The following SYT1 variants were observed in gnomAD, a reference collection of about 807,000 sequenced individuals.
The protein encoded by SYT1 is synaptotagmin-1.
A neutral mutation model predicts 44.8 loss-of-function variants in SYT1; 8 were observed. The observed-to-expected ratio is 0.18, with a 90% confidence interval of 0.10 to 0.32. The LOEUF is 0.32. Ranked by LOEUF, SYT1 falls within the 10% of genes least tolerant of loss-of-function variation. SYT1 has a pLI of 1.00. For synonymous variants in SYT1, 154 were observed against 188.8 expected (o/e 0.82, Z 1.51); for missense variants, 286 against 509.3 (o/e 0.56, Z 4.22).
At chr12:79,081,322 A>G (rs1460763274) in intron 3 of SYT1, among the ~76,000 whole-genome samples, 1 of 152,102 alleles carries the variant, frequency 6.6e-6, no homozygotes, top group African/African-American at 2.4e-5. Flanking sequence ...AGAAAAAAGC[A>G]AATTACTACA....
At chr12:79,074,291 C>T (rs907539020) in intron 3 of SYT1, among the ~76,000 whole-genome samples, 3 of 152,284 alleles carry the variant, frequency 2.0e-5, no homozygotes, top group African/African-American at 7.2e-5. Flanking sequence ...CTCATCTCCA[C>T]ACAGCTGTGG....
chr12:79,285,753 T>C, intron 4 of SYT1, 34 bp from the exon 5 acceptor site: 1 of 1,505,210 alleles, frequency 6.6e-7, no homozygotes, highest in Non-Finnish European at 9.0e-7. Flanking sequence ...ATCTAAGTGT[T>C]GTATGACTAG....
At chr12:79,324,758 G>GA (rs1406133424) in intron 8 of SYT1, among the ~76,000 whole-genome samples, 103 of 150,642 alleles carry the variant, frequency 6.8e-4, no homozygotes, top group African/African-American at 2.4e-3. Context: ...CACGTTGCTG[G>GA]AAAAAACCAT....
intron 9 of SYT1, among the ~76,000 whole-genome samples, chr12:79,397,143 G>A (rs530359723): frequency 1.3e-5 from 2 of 152,318 alleles, no homozygotes; most frequent in African/African-American, 4.8e-5. Context: ...TCAGAGGCAG[G>A]CAGGAACCAG....
At chr12:79,054,524 C>A (rs1874783999) in intron 3 of SYT1, among the ~76,000 whole-genome samples, 1 of 151,892 alleles carries the variant, frequency 6.6e-6, no homozygotes, top group South Asian at 2.1e-4. Flanking sequence ...TGGACATTCA[C>A]CATATATACT....
chr12:79,095,504 A>G (rs1878065802), intron 3 of SYT1, among the ~76,000 whole-genome samples: 1 of 151,860 alleles, frequency 6.6e-6, no homozygotes. Flanking sequence ...TTTTCTACAT[A>G]TAACCAATTT....
At chr12:79,293,366 A>G (rs925979992) in intron 6 of SYT1, among the ~76,000 whole-genome samples, 7 of 139,044 alleles carry the variant, frequency 5.0e-5, no homozygotes, top group Non-Finnish European at 1.1e-4. Flanking sequence ...AAAATAAAAT[A>G]AAATAAAATA....
intron 3 of SYT1, among the ~76,000 whole-genome samples, chr12:79,197,444 T>C (rs1035735962): frequency 3.3e-5 from 5 of 152,156 alleles, no homozygotes; most frequent in Non-Finnish European, 5.9e-5. Context: ...AAGCTATGTC[T>C]CATGCAGAGC....
chr12:79,390,928 C>G (rs1884632736), intron 9 of SYT1, among the ~76,000 whole-genome samples: 1 of 152,172 alleles, frequency 6.6e-6, no homozygotes, highest in African/African-American at 2.4e-5. Flanking sequence ...ACTGGTTGCT[C>G]TCTAACTCAT....
chr12:79,244,863 C>A (rs972724963), intron 4 of SYT1, among the ~76,000 whole-genome samples: 8 of 151,738 alleles, frequency 5.3e-5, no homozygotes, highest in African/African-American at 1.9e-4. Flanking sequence ...AGATTTCTAT[C>A]TTTAGTTTCT....
chr12:79,309,302 T>C (rs1000204196), intron 8 of SYT1, among the ~76,000 whole-genome samples: 2 of 152,206 alleles, frequency 1.3e-5, no homozygotes, highest in Non-Finnish European at 2.9e-5. Context: ...CAGTTATTCA[T>C]TGCAGTGAAA....
intron 3 of SYT1, among the ~76,000 whole-genome samples, chr12:79,161,536 C>G (rs867437170): frequency 1.3e-5 from 2 of 152,032 alleles, no homozygotes; most frequent in Non-Finnish European, 2.9e-5. Context: ...ATGCCTTATG[C>G]CAAATAATAC....
intron 4 of SYT1, among the ~76,000 whole-genome samples, chr12:79,265,915 A>G (rs1317465283): frequency 6.6e-6 from 1 of 152,210 alleles, no homozygotes; most frequent in East Asian, 1.9e-4. Context: ...TAGAAAAACT[A>G]ATTGACAGAA....
chr12:79,200,136 T>C (rs1266178894), intron 3 of SYT1, among the ~76,000 whole-genome samples: 1 of 152,152 alleles, frequency 6.6e-6, no homozygotes, highest in Non-Finnish European at 1.5e-5. Context: ...CATAAAATTC[T>C]GTGCAACAAG....
At position 79,261,184 on chromosome 12, in the gene SYT1, G is replaced by A. The variant is rs74110308; in HGVS notation, c.167-24603G>A. 3.8e-3 allele frequency among the ~76,000 whole-genome samples: 573 copies of A among 152,228 alleles called. 8 individuals carry two copies. Among genetic ancestry groups the A allele is most frequent in the African/African-American group, 0.013 (557 of 41,548 alleles). The stretch of plus-strand genomic sequence containing the variant: ...GAGCCATAAGTTTAAAACCCAGCAG[G>A]AGAATATAAATGATGGCCAGGCAAG... On this transcript the variant is annotated intron_variant, in intron 4 of 10. Coordinates refer to ENST00000261205, the MANE Select transcript of SYT1 (RefSeq NM_005639.3).
chr12:78,918,606 A>AC (rs1438454545), intron 1 of SYT1, among the ~76,000 whole-genome samples: 1 of 152,110 alleles, frequency 6.6e-6, no homozygotes. Context: ...CAAATGCTCC[A>AC]CATGGCAAAT....
intron 3 of SYT1, among the ~76,000 whole-genome samples, chr12:79,169,134 A>C (rs903347458): frequency 2.6e-5 from 4 of 152,054 alleles, no homozygotes; most frequent in Admixed American, 6.6e-5. Flanking sequence ...TTTCTAAAAA[A>C]TGCCATCCTA....
At chr12:79,120,858 C>T (rs1378189754) in intron 3 of SYT1, among the ~76,000 whole-genome samples, 1 of 151,474 alleles carries the variant, frequency 6.6e-6, no homozygotes, top group African/African-American at 2.4e-5. Flanking sequence ...GATGGCACAG[C>T]CAGTGTTAGC....
chr12:79,122,752 G>A (rs1234141755), intron 3 of SYT1, among the ~76,000 whole-genome samples: 1 of 152,088 alleles, frequency 6.6e-6, no homozygotes, highest in East Asian at 1.9e-4. Flanking sequence ...GATTTTTAAG[G>A]TAATGCTTTG....
Sources: allele counts gnomAD v4.1 joint callset (sites outside exome capture counted in the v4.1 genomes callset), GRCh38; gene constraint gnomAD v4.1.1; transcripts MANE v1.5; gene names NCBI Gene and HGNC (gene_info 2026-07-23, HGNC 2026-07-21).